BOLL: variants seen among roughly 807,000 people sequenced by gnomAD.
The protein encoded by BOLL is protein boule-like.
In BOLL, 23 loss-of-function variants were observed where a neutral mutation model predicts 44.4. The ratio of observed to expected loss-of-function variants is 0.52; its 90% confidence interval spans 0.37 to 0.73. BOLL has a LOEUF of 0.73. Among genes scored for constraint, BOLL ranks in the 30% least tolerant of loss-of-function variants. The pLI is 0.00. For missense variants in BOLL, 287 were observed against 338.3 expected (o/e 0.85, Z 1.19); for synonymous variants, 97 against 110.8 (o/e 0.88, Z 0.78).
chr2:197,786,059 A>G (rs1455414500), upstream of BOLL: 1 of 1,589,716 alleles, frequency 6.3e-7, no homozygotes, highest in Admixed American at 1.7e-5. The surrounding 1 kb of genome is among the most constrained non-coding windows in gnomAD (Gnocchi z 5.9). Flanking sequence ...AAAGTTTGAA[A>G]CCACCTTCAC....
intron 10 of BOLL, among the ~76,000 whole-genome samples, chr2:197,733,473 T>C (rs1687309387): frequency 6.6e-6 from 1 of 151,372 alleles, no homozygotes; most frequent in Non-Finnish European, 1.5e-5. Context: ...TTAAAGTTCA[T>C]ATGGAACCAA....
chr2:197,784,387 AATAC>A (rs60902045), intron 1 of BOLL, among the ~76,000 whole-genome samples: 1 of 94,450 alleles, frequency 1.1e-5, no homozygotes, highest in Admixed American at 1.3e-4. Flanking sequence ...ACAGCAGTCT[AATAC>A]ATATATATAT....
At position 197,757,397 on chromosome 2, in the gene BOLL, TG is replaced by T. The variant is rs929104472; in HGVS notation, c.555del (p.Thr186ProfsTer51). 4.4e-6 allele frequency: 7 copies of T among 1,607,964 alleles called. No homozygotes were observed. The Admixed American group carries it at 1.2e-4, about 27-fold the overall frequency. The part of the protein sequence containing the change: ...IYQQPAYHYQ[A>X]TTQYLPGQWQ... ...CACTGTCCTGGTAAATACTGTGTGG[TG>T]GCCTAAAATTAAATAAAAGAAAAGA... On this transcript the variant is annotated frameshift_variant and splice_region_variant, in exon 8 of 11. Transcript: ENST00000392296. LOFTEE classifies it high-confidence loss of function.
intron 10 of BOLL, among the ~76,000 whole-genome samples, chr2:197,731,188 A>G (rs1687156862): frequency 6.6e-6 from 1 of 152,100 alleles, no homozygotes; most frequent in Non-Finnish European, 1.5e-5. Flanking sequence ...AACAGACTTT[A>G]AACCAACAAA....
chr2:197,744,638 T>C (rs925057012), intron 9 of BOLL, among the ~76,000 whole-genome samples: 8 of 152,174 alleles, frequency 5.3e-5, no homozygotes, highest in Non-Finnish European at 1.2e-4. Context: ...CTTTGGAAGG[T>C]AGCAGAAAAT....
chr2:197,741,595 A>T (rs1687735523), intron 10 of BOLL, among the ~76,000 whole-genome samples: 1 of 152,194 alleles, frequency 6.6e-6, no homozygotes, highest in South Asian at 2.1e-4. Flanking sequence ...GTGCTGGGAA[A>T]ACTGGCTAGC....
intron 9 of BOLL, among the ~76,000 whole-genome samples, chr2:197,754,697 G>A (rs1255760049): frequency 1.4e-5 from 2 of 148,022 alleles, no homozygotes; most frequent in Admixed American, 1.4e-4. Flanking sequence ...CTGGGCGATG[G>A]AGCAAGACTC....
intron 9 of BOLL, among the ~76,000 whole-genome samples, chr2:197,748,166 G>C (rs1688071035): frequency 6.6e-6 from 1 of 152,198 alleles, no homozygotes; most frequent in Non-Finnish European, 1.5e-5. Flanking sequence ...CCCTTCCCCA[G>C]CCAAGGGAAG....
chr2:197,734,959 ATAAAAT>A (rs921737665), intron 10 of BOLL, among the ~76,000 whole-genome samples: 4 of 152,126 alleles, frequency 2.6e-5, no homozygotes, highest in Non-Finnish European at 4.4e-5. Flanking sequence ...TATAATAATA[ATAAAAT>A]TAAAAAAAAG....
rs1253524189 is a variant in BOLL, at chr2:197,746,959, G to A, written c.730-3800C>T. Among the ~76,000 whole-genome samples, 8 of 150,938 alleles carry A rather than the reference G, an allele frequency of 5.3e-5. No individual in the cohort carries two copies. The South Asian group carries it at 6.3e-4, about 12-fold the overall frequency. ...GTGGTTGCCAGGGACTGGGGATGGC[G>A]AGTGAGATGGGAGATGTTGGTCAAA... On this transcript the variant is annotated intron_variant, in intron 9 of 10. Coordinates refer to ENST00000392296, the MANE Select transcript of BOLL (RefSeq NM_033030.6).
chr2:197,756,199 A>G (rs573734840), intron 9 of BOLL, among the ~76,000 whole-genome samples: 1 of 152,344 alleles, frequency 6.6e-6, no homozygotes, highest in East Asian at 1.9e-4. Flanking sequence ...ATCAAAGATT[A>G]GCTTAGTGGA....
intron 10 of BOLL, among the ~76,000 whole-genome samples, chr2:197,733,923 C>T (rs998640551): frequency 2.6e-5 from 4 of 152,142 alleles, no homozygotes; most frequent in Non-Finnish European, 5.9e-5. Context: ...ATGTCTAAAA[C>T]ACCAAAAGCC....
chr2:197,729,742 A>C (rs893722985), intron 10 of BOLL, among the ~76,000 whole-genome samples: 5 of 152,148 alleles, frequency 3.3e-5, no homozygotes, highest in African/African-American at 1.2e-4. Context: ...ACAGACCTGC[A>C]GCTGAGGGTC....
At chr2:197,775,854 A>G (rs1362246663) in intron 4 of BOLL, 114 bp from the exon 5 acceptor site, 2 of 570,532 alleles carry the variant, frequency 3.5e-6, no homozygotes, top group Admixed American at 7.8e-5. Flanking sequence ...ATATTCTTTC[A>G]AAGCAGCAAG....
intron 6 of BOLL, among the ~76,000 whole-genome samples, chr2:197,769,699 C>T (rs1689150338): frequency 6.6e-6 from 1 of 152,066 alleles, no homozygotes; most frequent in Admixed American, 6.6e-5. Flanking sequence ...CATTCCTATA[C>T]ACAATAACAG....
At chr2:197,758,603 A>C (rs774798802) in intron 7 of BOLL, among the ~76,000 whole-genome samples, 6 of 152,164 alleles carry the variant, frequency 3.9e-5, no homozygotes, top group African/African-American at 9.7e-5. Context: ...ATAATGTTTT[A>C]TTTACAAAAA....
intron 10 of BOLL, among the ~76,000 whole-genome samples, chr2:197,742,091 A>C (rs1559394929): frequency 6.6e-6 from 1 of 152,270 alleles, no homozygotes; most frequent in Non-Finnish European, 1.5e-5. Context: ...CATCAGAGAA[A>C]TGCAAATCAA....
intron 10 of BOLL, among the ~76,000 whole-genome samples, chr2:197,733,601 T>G (rs1328268014): frequency 6.6e-6 from 1 of 152,120 alleles, no homozygotes; most frequent in East Asian, 1.9e-4. Flanking sequence ...ATGGTACTGG[T>G]ACCAAAACAG....
chr2:197,768,859 T>C (rs1689110978), intron 6 of BOLL, among the ~76,000 whole-genome samples: 1 of 150,310 alleles, frequency 6.7e-6, no homozygotes. Context: ...TATTGAGAGT[T>C]TTTAGCATGA....
Sources: gnomAD v4.1 joint callset for allele counts (sites outside exome capture counted in the v4.1 genomes callset) on GRCh38, gnomAD v4.1.1 for gene constraint, Gnocchi (gnomAD v3.1) non-coding constraint, MANE v1.5 for transcripts, NCBI Gene and HGNC (gene_info 2026-07-23, HGNC 2026-07-21) for gene names.